DLG2: variants seen among roughly 807,000 people sequenced by gnomAD.
DLG2 encodes the protein disks large homolog 2.
DLG2 carries 45 observed loss-of-function variants against 132.5 expected under a neutral mutation model. That is an observed-to-expected ratio of 0.34 (90% CI 0.27 to 0.44). The LOEUF (loss-of-function observed/expected upper bound fraction) is 0.44. Among genes scored for constraint, DLG2 ranks in the 20% least tolerant of loss-of-function variants. DLG2 has a pLI of 1.00. For synonymous variants in DLG2, 424 were observed against 419.6 expected (o/e 1.01, Z -0.13); for missense variants, 1,045 against 1,196.9 (o/e 0.87, Z 1.87).
At position 85,525,904 on chromosome 11, in the gene DLG2, C is replaced by T. The variant is rs184650022; in HGVS notation, c.40+72753G>A. Among the ~76,000 whole-genome samples the T allele has an allele frequency of 1.2e-4, 19 of 152,242 alleles. No homozygotes were observed. In the East Asian group the frequency reaches 2.9e-3, roughly 23 times the overall value. On this transcript the variant is annotated intron_variant, in intron 3 of 27. Coordinates refer to ENST00000376104, the MANE Select transcript of DLG2 (RefSeq NM_001142699.3). Reference sequence around the variant, plus strand: ...GAGTACCGGAGATCTACAGAGGATCCGCCTTTAGTCTTTAGCAGAGCAGTT... The same window carrying T: ...GAGTACCGGAGATCTACAGAGGATCTGCCTTTAGTCTTTAGCAGAGCAGTT...
chr11:83,685,669 T>C (rs988038487), intron 18 of DLG2, among the ~76,000 whole-genome samples: 8 of 152,086 alleles, frequency 5.3e-5, no homozygotes, highest in African/African-American at 1.9e-4. Flanking sequence ...TAAAATGCCA[T>C]CTGTAGATCA....
chr11:84,791,189 C>A (rs2073795536), intron 6 of DLG2, among the ~76,000 whole-genome samples: 2 of 152,122 alleles, frequency 1.3e-5, no homozygotes, highest in Admixed American at 6.5e-5. Flanking sequence ...ATGGGGAAAA[C>A]TGCCCCCATA....
chr11:84,366,473 A>T (rs1026493317), intron 7 of DLG2, among the ~76,000 whole-genome samples: 4 of 152,020 alleles, frequency 2.6e-5, no homozygotes, highest in South Asian at 2.1e-4. Context: ...ATATTAACTT[A>T]AAATGTAAAT....
At chr11:83,982,497 AAAG>A (rs1215351792) in intron 11 of DLG2, among the ~76,000 whole-genome samples, 1 of 151,474 alleles carries the variant, frequency 6.6e-6, no homozygotes, top group Non-Finnish European at 1.5e-5. Context: ...AAAAAAAAAA[AAAG>A]AAAAGCTTAT....
intron 3 of DLG2, among the ~76,000 whole-genome samples, chr11:85,559,945 A>G (rs1301190946): frequency 2.6e-5 from 4 of 151,754 alleles, no homozygotes; most frequent in African/African-American, 4.8e-5. Flanking sequence ...TCAAGAAAAT[A>G]AAGGATAAAA....
chr11:84,431,653 A>G (rs2098985026), intron 7 of DLG2, among the ~76,000 whole-genome samples: 1 of 152,164 alleles, frequency 6.6e-6, no homozygotes, highest in South Asian at 2.1e-4. Flanking sequence ...AGTGTTCCAT[A>G]TAATACTCTG....
At chr11:83,746,473 A>G (rs151156295) in intron 18 of DLG2, among the ~76,000 whole-genome samples, 2,324 of 152,236 alleles carry the variant, frequency 0.015, 55 homozygotes, top group African/African-American at 0.053. Flanking sequence ...AAACCATTGC[A>G]AGGACAAAAA....
At chr11:85,511,880 C>T (rs286542) in intron 3 of DLG2, among the ~76,000 whole-genome samples, 124,565 of 151,648 alleles carry the variant, frequency 0.82, 51,437 homozygotes, top group Middle Eastern at 0.89. Flanking sequence ...ACTATAGGCA[C>T]GTGCCACCAA....
At chr11:84,652,463 A>T (rs1262945980) in intron 6 of DLG2, among the ~76,000 whole-genome samples, 1 of 152,144 alleles carries the variant, frequency 6.6e-6, no homozygotes, top group Admixed American at 6.5e-5. Context: ...CACAGACCAA[A>T]CAGGAGCAGG....
intron 7 of DLG2, among the ~76,000 whole-genome samples, chr11:84,298,201 A>G (rs2098114896): frequency 6.6e-6 from 1 of 152,234 alleles, no homozygotes; most frequent in East Asian, 1.9e-4. Flanking sequence ...TATTATCAAT[A>G]TATGTTTGCA....
At chr11:84,923,268 AACG>A in intron 6 of DLG2, 1 of 1,492,328 alleles carries the variant, frequency 6.7e-7, no homozygotes, top group Non-Finnish European at 8.9e-7. Context: ...CTGACTACAA[AACG>A]ACATGTCTTG....
intron 7 of DLG2, among the ~76,000 whole-genome samples, chr11:84,406,472 C>A (rs1202358477): frequency 6.6e-6 from 1 of 152,104 alleles, no homozygotes; most frequent in Non-Finnish European, 1.5e-5. Context: ...GTGTACACCA[C>A]CATACGATGT....
chr11:84,996,919 T>A (rs1022787555), intron 6 of DLG2, among the ~76,000 whole-genome samples: 1 of 152,170 alleles, frequency 6.6e-6, no homozygotes, highest in African/African-American at 2.4e-5. Flanking sequence ...CCAGCCTTAT[T>A]CATTAAAGTT....
At chr11:84,204,704 ATTTAT>A (rs1011094122) in intron 8 of DLG2, among the ~76,000 whole-genome samples, 7 of 152,280 alleles carry the variant, frequency 4.6e-5, no homozygotes, top group South Asian at 2.1e-4. Context: ...ATACTTTTTA[ATTTAT>A]TTTATTTTAT....
At chr11:84,609,277 T>C (rs1479109515) in intron 6 of DLG2, among the ~76,000 whole-genome samples, 1 of 152,142 alleles carries the variant, frequency 6.6e-6, no homozygotes, top group East Asian at 1.9e-4. Context: ...GGTGCAATAA[T>C]AGACCCTATC....
chr11:84,939,846 TC>T (rs1193104516), intron 6 of DLG2, among the ~76,000 whole-genome samples: 1 of 152,230 alleles, frequency 6.6e-6, no homozygotes, highest in Admixed American at 6.5e-5. Flanking sequence ...TTAAGTTGCT[TC>T]CAAATCTTGG....
At chr11:85,143,348 T>C (rs934472405) in intron 5 of DLG2, among the ~76,000 whole-genome samples, 1 of 151,698 alleles carries the variant, frequency 6.6e-6, no homozygotes, top group Non-Finnish European at 1.5e-5. Context: ...GTTGATAGTA[T>C]CTCTAATGAT....
At chr11:84,099,087 C>T (rs772888519) in intron 9 of DLG2, 40 bp from the exon 10 acceptor site, 3 of 1,590,418 alleles carry the variant, frequency 1.9e-6, no homozygotes, top group Non-Finnish European at 1.7e-6. Flanking sequence ...ATGTGTCTGT[C>T]ACCTAAAACC....
At chr11:85,345,046 G>A (rs2082735924) in intron 3 of DLG2, among the ~76,000 whole-genome samples, 1 of 151,830 alleles carries the variant, frequency 6.6e-6, no homozygotes, top group South Asian at 2.1e-4. Context: ...ACTCCAGAAA[G>A]TCAAGTAAAT....
Sources: gnomAD v4.1 joint callset for allele counts (sites outside exome capture counted in the v4.1 genomes callset) on GRCh38, gnomAD v4.1.1 for gene constraint, MANE v1.5 for transcripts, NCBI Gene and HGNC (gene_info 2026-07-23, HGNC 2026-07-21) for gene names.